Variants in ARFGEF1 observed in about 807,000 individuals in gnomAD.
ARFGEF1 encodes the protein ARF guanine nucleotide exchange factor 1, also known as brefeldin A-inhibited guanine nucleotide-exchange protein 1.
In ARFGEF1, 42 loss-of-function variants were observed where a neutral mutation model predicts 231.0. The ratio of observed to expected loss-of-function variants is 0.18; its 90% CI spans 0.14 to 0.24. The LOEUF is 0.24. ARFGEF1 is among the 10% of genes least tolerant of loss of function. The pLI, the probability that ARFGEF1 is intolerant of heterozygous loss-of-function variation, is 1.00. For missense variants in ARFGEF1, 1,345 were observed against 2,192.0 expected (o/e 0.61, Z 7.72); for synonymous variants, 710 against 732.3 (o/e 0.97, Z 0.49).
chr8:67,313,179 T>G (rs1419844885), intron 1 of ARFGEF1, among the ~76,000 whole-genome samples: 1 of 152,242 alleles, frequency 6.6e-6, no homozygotes, highest in Non-Finnish European at 1.5e-5. Context: ...GAAGATCACT[T>G]GAGCCCAGGA....
chr8:67,288,520 G>A (rs1022082934), intron 6 of ARFGEF1, among the ~76,000 whole-genome samples: 50 of 152,146 alleles, frequency 3.3e-4, no homozygotes, highest in Non-Finnish European at 4.1e-4. Context: ...ATCACCTGAG[G>A]TGGGGAGTTG....
At chr8:67,253,658 AACATAAAGGTT>A (rs772037185) in intron 17 of ARFGEF1, 36 bp from the exon 18 acceptor site, 1 of 1,187,954 alleles carries the variant, frequency 8.4e-7, no homozygotes, top group Non-Finnish European at 1.1e-6. Context: ...CCTAAAAATT[AACATAAAGGTT>A]ACACTTGTAT....
chr8:67,231,010 T>C (rs1839535567), intron 23 of ARFGEF1, among the ~76,000 whole-genome samples: 1 of 152,104 alleles, frequency 6.6e-6, no homozygotes, highest in African/African-American at 2.4e-5. Context: ...AATTTTTTTC[T>C]TTAGTTCCTG....
chr8:67,336,987 C>T (rs997910486), intron 1 of ARFGEF1, among the ~76,000 whole-genome samples: 1 of 151,988 alleles, frequency 6.6e-6, no homozygotes, highest in African/African-American at 2.4e-5. Flanking sequence ...AAAAAATCAG[C>T]CGGGCGCGGT....
At chr8:67,176,459 C>T (rs1831664454) in intron 5 of ARFGEF1, among the ~76,000 whole-genome samples, 2 of 152,178 alleles carry the variant, frequency 1.3e-5, no homozygotes, top group South Asian at 4.1e-4. Context: ...GTCGTCCCTT[C>T]ATCTGGTACA....
intron 1 of ARFGEF1, among the ~76,000 whole-genome samples, chr8:67,326,285 C>A (rs1807828353): frequency 6.6e-6 from 1 of 152,182 alleles, no homozygotes; most frequent in Non-Finnish European, 1.5e-5. Flanking sequence ...AGGAAAATAA[C>A]TGATAAATGG....
Position 67,217,815 on chromosome 8 carries a change from G to A in ARFGEF1, c.4580C>T (p.Thr1527Ile). 1 of 1,613,950 alleles carries A rather than the reference G, an allele frequency of 6.2e-7. No individual in the cohort carries two copies. The highest frequency in any genetic ancestry group is 8.5e-7 in the Non-Finnish European group (1 of 1,179,918). Reference sequence around the variant, plus strand: ...GATTGTGGTTTTGAAGATATCCAGTGTGCAGTTGCAAGTTTTATCCCAGAT... The same window carrying A: ...GATTGTGGTTTTGAAGATATCCAGTATGCAGTTGCAAGTTTTATCCCAGAT... The part of the protein sequence containing the change: ...LEIWDKTCNC[T>I]LDIFKTTIPH... Residue 1527 changes from threonine (T) to isoleucine (I), a missense_variant, in exon 32 of 39, where the codon ACA (threonine) becomes ATA (isoleucine). Transcript: ENST00000262215.
chr8:67,192,799 T>C (rs1192037372), downstream of ARFGEF1, among the ~76,000 whole-genome samples: 3 of 151,456 alleles, frequency 2.0e-5, no homozygotes, highest in Admixed American at 6.6e-5. Flanking sequence ...ACTCCGTCCA[T>C]AAACGTAAGG....
chr8:67,309,958 T>C (rs563010364), intron 1 of ARFGEF1, among the ~76,000 whole-genome samples: 3 of 152,316 alleles, frequency 2.0e-5, no homozygotes, highest in African/African-American at 7.2e-5. Context: ...AGCCACAAAA[T>C]TGACTTCACG....
chr8:67,185,320 C>G (rs190785240), intron 5 of ARFGEF1, among the ~76,000 whole-genome samples: 1 of 152,064 alleles, frequency 6.6e-6, no homozygotes, highest in Non-Finnish European at 1.5e-5. Context: ...AACTAAAGGC[C>G]GACAAAGATT....
intron 1 of ARFGEF1, among the ~76,000 whole-genome samples, chr8:67,321,067 G>C (rs920025884): frequency 3.3e-5 from 5 of 149,628 alleles, no homozygotes; most frequent in African/African-American, 1.2e-4. Context: ...CCTCCATTCT[G>C]TATCATTCCA....
At chr8:67,190,617 TAA>T (rs1335368326) in intron 5 of ARFGEF1, 16 of 1,505,830 alleles carry the variant, frequency 1.1e-5, no homozygotes, top group Non-Finnish European at 1.5e-5. Context: ...GAAGCAGTAT[TAA>T]GACTCCTTCT....
At chr8:67,225,512 A>T (rs1456829379) in intron 28 of ARFGEF1, among the ~76,000 whole-genome samples, 2 of 152,190 alleles carry the variant, frequency 1.3e-5, no homozygotes, top group Non-Finnish European at 2.9e-5. Flanking sequence ...ACAAAGATAG[A>T]TTCAAATATA....
chr8:67,220,898 T>C (rs1563845144), intron 29 of ARFGEF1, among the ~76,000 whole-genome samples: 1 of 52,324 alleles, frequency 1.9e-5, no homozygotes, highest in African/African-American at 1.3e-4. Context: ...TTTCCTTTTC[T>C]TTTTTTTTTT....
At chr8:67,233,679 C>A (rs963987524) in intron 22 of ARFGEF1, among the ~76,000 whole-genome samples, 2 of 151,942 alleles carry the variant, frequency 1.3e-5, no homozygotes, top group African/African-American at 4.8e-5. Flanking sequence ...TTATTTCCCT[C>A]TTCAATCTCT....
intron 18 of ARFGEF1, among the ~76,000 whole-genome samples, chr8:67,253,121 GA>G (rs1409377601): frequency 6.6e-6 from 1 of 152,052 alleles, no homozygotes; most frequent in East Asian, 1.9e-4. Flanking sequence ...AGAATGTGGG[GA>G]AAAAATACAA....
chr8:67,259,946 A>G lies in ARFGEF1; in HGVS notation c.2124-20T>C. On this transcript the variant is annotated intron_variant, in intron 14 of 38. Transcript: ENST00000262215. ...TTAAATCTAGATGATGTTAAATAAG[A>G]ACATTAAAAATAGAAAACCATTCGT... 1 of 1,515,728 alleles carries G rather than the reference A, an allele frequency of 6.6e-7. No homozygotes were observed. Among genetic ancestry groups the G allele is most frequent in the Non-Finnish European group, 9.0e-7 (1 of 1,107,258 alleles). The allele number at this position is 1,515,728 out of a possible 1,614,324, so 93.9% of individuals were successfully genotyped here.
chr8:67,321,465 T>C (rs963646728), intron 1 of ARFGEF1, among the ~76,000 whole-genome samples: 1 of 152,088 alleles, frequency 6.6e-6, no homozygotes, highest in Admixed American at 6.5e-5. Flanking sequence ...TTGTTTGTTT[T>C]GTTTTTTGTT....
intron 1 of ARFGEF1, among the ~76,000 whole-genome samples, chr8:67,329,583 T>C (rs1171645660): frequency 6.7e-6 from 1 of 149,286 alleles, no homozygotes; most frequent in African/African-American, 2.5e-5. Flanking sequence ...TAAAAAGAAT[T>C]TTTTAAAAAA....
Sources: gnomAD v4.1 joint callset for allele counts (sites outside exome capture counted in the v4.1 genomes callset) on GRCh38, gnomAD v4.1.1 for gene constraint, MANE v1.5 for transcripts, NCBI Gene and HGNC (gene_info 2026-07-23, HGNC 2026-07-21) for gene names.